OR10K2: variants seen among roughly 807,000 people sequenced by gnomAD.
OR10K2 encodes olfactory receptor 10K2.
For missense variants in OR10K2, 401 were observed against 367.1 expected, an observed-to-expected ratio of 1.09 and a Z score of -0.76; for synonymous variants, 169 against 146.4, an observed-to-expected ratio of 1.15 and a Z score of -1.11.
In OR10K2 at chr1:158,420,573, G is replaced by C; in HGVS notation, c.294C>G (p.Ala98=). The C allele has an allele frequency of 6.2e-7, 1 of 1,613,910 alleles. No individual in the cohort carries two copies. The highest frequency in any genetic ancestry group is 1.1e-5 in the South Asian group (1 of 91,074). Residue 98 remains alanine, a synonymous_variant, in exon 2 of 2, where the codon GCC becomes GCG. Transcript: ENST00000641042. ...QKKTISFLGC[A]IQMFSFLFLG... is the part of the protein sequence containing the mutation. ...GGAAGAGGAAGGAAAACATTTGGAT[G>C]GCACAGCCCAGGAAAGAAATGGTCT...
intron 1 of OR10K2, 41 bp from the exon 2 acceptor site, chr1:158,420,968 G>T: frequency 9.4e-7 from 1 of 1,060,114 alleles, no homozygotes; most frequent in Non-Finnish European, 1.3e-6. Context: ...TCATCAGCAT[G>T]CGTTCTCAGA....
Position 158,420,522 on chromosome 1 carries a change from C to T in OR10K2, c.345G>A (p.Leu115=), listed in dbSNP as rs1571262101. 2 of 1,613,790 alleles carry T rather than the reference C, an allele frequency of 1.2e-6. No individual in the cohort carries two copies. Among genetic ancestry groups the T allele is most frequent in the Non-Finnish European group, 1.7e-6 (2 of 1,179,876 alleles). The change falls in exon 2 of 2, where the codon CTG becomes CTA. Residue 115 remains leucine, a synonymous_variant. Coordinates refer to ENST00000641042, the MANE Select transcript of OR10K2 (RefSeq NM_001004476.2). ...LFLGCSHSFL[L]AVMGYDRYIA... ...TGTAACGATCATAACCCATGACTGC[C>T]AGCAGAAAGGAGTGAGAGCAGCCAA...
chr1:158,420,212 C>T lies in OR10K2; in HGVS notation c.655G>A (p.Val219Ile). 1 of 1,613,688 alleles carries T rather than the reference C, an allele frequency of 6.2e-7. No individual in the cohort carries two copies. The highest frequency in any genetic ancestry group is 8.5e-7 in the Non-Finnish European group (1 of 1,179,844). Residue 219 changes from valine to isoleucine, a missense_variant, in exon 2 of 2, where the codon GTT (valine) becomes ATT (isoleucine). Transcript: ENST00000641042. The part of the protein sequence containing the change: ...IPLLLILVSY[V>I]HILSAILQFP... ...TGAAGTATGGCAGAGAGGATGTGAA[C>T]ATAGGACACCAAGATCAACAATAAG...
chr1:158,422,518 C>G lies in OR10K2; in HGVS notation c.-61-1591G>C, dbSNP rs145759130. Among the ~76,000 whole-genome samples the G allele has an allele frequency of 8.0e-3, 1,221 of 152,082 alleles. 22 individuals are homozygous for G. The highest frequency in any genetic ancestry group is 0.027 in the African/African-American group (1,127 of 41,516). ...AGAATTCTGTGTACCTAAGGTGATT[C>G]CCAATTCCTAGTACATTTGCTGCTC... On this transcript the variant is annotated intron_variant, in intron 1 of 1. Coordinates refer to ENST00000641042, the MANE Select transcript of OR10K2 (RefSeq NM_001004476.2).
intron 1 of OR10K2, among the ~76,000 whole-genome samples, chr1:158,423,168 A>T (rs967041772): frequency 2.0e-5 from 3 of 149,878 alleles, no homozygotes; most frequent in African/African-American, 7.4e-5. Context: ...CCTCAACCCC[A>T]TGAAAGGGGC....
intron 1 of OR10K2, among the ~76,000 whole-genome samples, chr1:158,423,866 A>G (rs2101648684): frequency 6.6e-6 from 1 of 152,162 alleles, no homozygotes; most frequent in Admixed American, 6.6e-5. Context: ...TTGAGTTCCT[A>G]AAGACTGGGG....
intron 1 of OR10K2, among the ~76,000 whole-genome samples, chr1:158,423,991 A>C (rs1655208108): frequency 6.6e-6 from 1 of 152,058 alleles, no homozygotes; most frequent in Non-Finnish European, 1.5e-5. Flanking sequence ...AGAATCAAAC[A>C]CCTATTCATA....
Position 158,420,523 on chromosome 1 carries a change from A to G in OR10K2, c.344T>C (p.Leu115Pro). ...GTAACGATCATAACCCATGACTGCC[A>G]GCAGAAAGGAGTGAGAGCAGCCAAG... ...LFLGCSHSFL[L>P]AVMGYDRYIA... The change falls in exon 2 of 2, where the codon CTG (leucine) becomes CCG (proline). Residue 115 changes from leucine to proline, a missense_variant. Transcript: ENST00000641042. The G allele has an allele frequency of 1.2e-6, 2 of 1,613,888 alleles. No individual in the cohort carries two copies. Among genetic ancestry groups the G allele is most frequent in the South Asian group, 2.2e-5 (2 of 91,082 alleles).
chr1:158,419,234 A>G lies in OR10K2; in HGVS notation c.*694T>C, dbSNP rs1655094522. On this transcript the variant is annotated 3_prime_UTR_variant, in exon 2 of 2. Coordinates refer to ENST00000641042, the MANE Select transcript of OR10K2 (RefSeq NM_001004476.2). ...TTTGGAAGACTGAGGTCCAGAAAAC[A>G]TCTAGAAAAATCCTAGAGATAGAAG... is the stretch of plus-strand genomic sequence containing the variant. 6.5e-6 allele frequency: 1 copy of G among 154,750 alleles called. No individual in the cohort carries two copies. The highest frequency in any genetic ancestry group is 6.6e-5 in the Admixed American group (1 of 15,266). The allele number at this position is 154,750 out of a possible 1,614,324, so 9.6% of individuals were successfully genotyped here.
chr1:158,424,931 T>A (rs1184376051), intron 1 of OR10K2, among the ~76,000 whole-genome samples: 2 of 152,108 alleles, frequency 1.3e-5, no homozygotes, highest in Non-Finnish European at 2.9e-5. Flanking sequence ...GTTCATTCAT[T>A]CTGATGTCAG....
Position 158,420,159 on chromosome 1 carries a change from T to A in OR10K2, c.708A>T (p.Lys236Asn), listed in dbSNP as rs772023104. The change falls in exon 2 of 2, where the codon AAA (lysine) becomes AAT (asparagine). Residue 236 changes from lysine (K) to asparagine (N), a missense_variant. Coordinates refer to ENST00000641042, the MANE Select transcript of OR10K2 (RefSeq NM_001004476.2). ...GGTGAGATACACAGGTAGAAAAAGCTTTGCACCTACCCAGTGTGGAAGGAA... is the reference window on the plus strand; with the variant it reads ...GGTGAGATACACAGGTAGAAAAAGCATTGCACCTACCCAGTGTGGAAGGAA... The part of the protein sequence containing the change: ...LQFPSTLGRC[K>N]AFSTCVSHLI... 7.4e-6 allele frequency: 12 copies of A among 1,613,570 alleles called. No homozygotes were observed. The South Asian group carries it at 1.2e-4, about 16-fold the overall frequency.
intron 1 of OR10K2, among the ~76,000 whole-genome samples, chr1:158,423,964 T>C (rs908347954): frequency 6.6e-6 from 1 of 152,064 alleles, no homozygotes; most frequent in African/African-American, 2.4e-5. Context: ...ATAAAATCAT[T>C]GCCCTTTTCT....
chr1:158,423,300 C>G lies in OR10K2; in HGVS notation c.-61-2373G>C, dbSNP rs918011121. Among the ~76,000 whole-genome samples the G allele has an allele frequency of 5.5e-5, 8 of 144,380 alleles. No individual in the cohort carries two copies. The East Asian group carries it at 1.4e-3, about 25-fold the overall frequency. 94.7% of individuals were successfully genotyped at this position (144,380 alleles called of 152,430 possible). ...ACTATTAACTTTCAAATTCTATATT[C>G]TCTAGTTTTTAGTACTACTAATAAA... On this transcript the variant is annotated intron_variant, in intron 1 of 1. Coordinates refer to ENST00000641042, the MANE Select transcript of OR10K2 (RefSeq NM_001004476.2).
At chr1:158,425,780 G>A (rs12743143) in intron 1 of OR10K2, among the ~76,000 whole-genome samples, 153 bp downstream of exon 1, 58,745 of 151,818 alleles carry the variant, frequency 0.39, 12,171 homozygotes, top group Non-Finnish European at 0.46. Context: ...GTTAATTTAA[G>A]AATATATAAA....
chr1:158,423,383 G>A (rs760953114), intron 1 of OR10K2, among the ~76,000 whole-genome samples: 3 of 151,894 alleles, frequency 2.0e-5, no homozygotes, highest in Non-Finnish European at 4.4e-5. Flanking sequence ...GTTGAGTAAT[G>A]TAGGAATAAA....
At chr1:158,423,585 C>T (rs956960014) in intron 1 of OR10K2, among the ~76,000 whole-genome samples, 3 of 151,900 alleles carry the variant, frequency 2.0e-5, no homozygotes, top group Non-Finnish European at 2.9e-5. Context: ...ATAAGGAGTG[C>T]TTAGTAAGTA....
At chr1:158,421,307 A>C (rs755382788) in intron 1 of OR10K2, among the ~76,000 whole-genome samples, 40 of 152,162 alleles carry the variant, frequency 2.6e-4, no homozygotes, top group Non-Finnish European at 1.5e-4. Flanking sequence ...TCTATAACTC[A>C]ATGGTTCTTA....
At position 158,419,512 on chromosome 1, in the gene OR10K2, A is replaced by G. The variant is rs558408814; in HGVS notation, c.*416T>C. The G allele has an allele frequency of 1.3e-5, 2 of 154,806 alleles. No homozygotes were observed. Among genetic ancestry groups the G allele is most frequent in the South Asian group, 2.0e-4 (1 of 5,028 alleles). 9.6% of individuals were successfully genotyped at this position (154,806 alleles called of 1,614,324 possible). A position where few individuals can be genotyped will look rare whatever the true frequency, so the allele number is the denominator to read the frequency against. ...ATTTGGAGATGACGGGAAATGATCT[A>G]TGTTCCTGAACATAATGCTCAATTG... On this transcript the variant is annotated 3_prime_UTR_variant, in exon 2 of 2. Transcript: ENST00000641042.
At chr1:158,422,120 C>T (rs1655168204) in intron 1 of OR10K2, among the ~76,000 whole-genome samples, 1 of 151,942 alleles carries the variant, frequency 6.6e-6, no homozygotes, top group Non-Finnish European at 1.5e-5. Context: ...ATGAATTGTT[C>T]TTATATCTAT....
Sources: gnomAD v4.1 joint callset for allele counts (sites outside exome capture counted in the v4.1 genomes callset) on GRCh38, gnomAD v4.1.1 for gene constraint, MANE v1.5 for transcripts, NCBI Gene and HGNC (gene_info 2026-07-23, HGNC 2026-07-21) for gene names.